TENM1: variants seen among roughly 807,000 people sequenced by gnomAD.
The protein encoded by TENM1 is teneurin transmembrane protein 1, also known as teneurin-1.
Under a neutral mutation model 174.8 loss-of-function variants are expected in TENM1, and 35 were observed. That is an observed-to-expected ratio of 0.20 (90% CI 0.15 to 0.27). The LOEUF (loss-of-function observed/expected upper bound fraction) is 0.27. Among genes scored for constraint, TENM1 ranks in the 10% least tolerant of loss-of-function variants. The pLI is 1.00. For missense variants in TENM1, 1,633 were observed against 2,130.1 expected (o/e 0.77, Z 4.59); for synonymous variants, 781 against 798.7 (o/e 0.98, Z 0.37).
At chrX:124,600,028 G>A (rs866144230) in intron 11 of TENM1, among the ~76,000 whole-genome samples, 1 of 107,250 alleles carries the variant, frequency 9.3e-6, no homozygotes, top group African/African-American at 3.5e-5. Flanking sequence ...ATATATATAT[G>A]TGTGTGTGTG....
chrX:124,701,750 A>AT (rs896767919), intron 5 of TENM1, among the ~76,000 whole-genome samples: 24 of 111,864 alleles, frequency 2.1e-4, no homozygotes, highest in African/African-American at 3.2e-4. Flanking sequence ...CAAAGGAATG[A>AT]TTTTTTTCCC....
chrX:125,085,729 A>G, the TENM1 span, among the ~76,000 whole-genome samples: 4 of 110,418 alleles, frequency 3.6e-5, no homozygotes, highest in Non-Finnish European at 7.6e-5. Context: ...TTTATAAGAG[A>G]TATTTATATA....
intron 1 of TENM1, among the ~76,000 whole-genome samples, chrX:124,912,834 T>C (rs1480279224): frequency 9.0e-6 from 1 of 111,528 alleles, no homozygotes; most frequent in Non-Finnish European, 1.9e-5. Flanking sequence ...ATCTAGGAAA[T>C]CAGTTTTATT....
exon 9 of TENM1, chrX:124,646,778 C>T: frequency 8.3e-7 from 1 of 1,203,042 alleles, no homozygotes; most frequent in South Asian, 1.8e-5. Context: ...TCTCCATTTC[C>T]ATTGCAATTG....
At chrX:124,897,637 G>C (rs1164083078) in intron 1 of TENM1, among the ~76,000 whole-genome samples, 2 of 112,387 alleles carry the variant, frequency 1.8e-5, no homozygotes, top group Non-Finnish European at 3.8e-5. Flanking sequence ...GAAACATATA[G>C]TAGGCAAATA....
At chrX:125,026,807 T>C in the TENM1 span, among the ~76,000 whole-genome samples, 1 of 111,879 alleles carries the variant, frequency 8.9e-6, no homozygotes, top group Admixed American at 9.5e-5. Context: ...GATGAAGAAA[T>C]AGCATTTAAC....
chrX:124,916,051 A>G, intron 1 of TENM1, among the ~76,000 whole-genome samples: 1 of 111,820 alleles, frequency 8.9e-6, no homozygotes, highest in African/African-American at 3.3e-5. Flanking sequence ...CCTACCCAAC[A>G]GAACTGCCAC....
intron 22 of TENM1, 46 bp from the exon 26 acceptor site, chrX:124,453,537 T>C: frequency 8.9e-7 from 1 of 1,117,994 alleles, no homozygotes; most frequent in Non-Finnish European, 1.2e-6. Flanking sequence ...GTGAACCACA[T>C]TTGCACTAAG....
In TENM1 at chrX:124,404,097, A is replaced by C. The variant is rs188034818; in HGVS notation, c.5391+934T>G. On this transcript the variant is annotated intron_variant, in intron 27 of 31. Transcript: ENST00000422452. ...TCTATAGAAGTAACTTGCCTTACTG[A>C]TAATTAAAAAGAAAATTTTATATTC... Among the ~76,000 whole-genome samples the C allele has an allele frequency of 3.5e-3, 394 of 111,777 alleles. 1 individual carries two copies. The highest frequency in any genetic ancestry group is 5.9e-3 in the Non-Finnish European group (315 of 53,185).
the TENM1 span, among the ~76,000 whole-genome samples, chrX:124,975,799 A>G: frequency 8.9e-6 from 1 of 112,095 alleles, no homozygotes. Flanking sequence ...CGGGACTTGT[A>G]CCAAATATTT....
intron 3 of TENM1, among the ~76,000 whole-genome samples, chrX:124,831,302 A>G (rs2056284225): frequency 8.9e-6 from 1 of 111,822 alleles, no homozygotes; most frequent in South Asian, 3.7e-4. Context: ...CAGCTGATTT[A>G]AGGGAGCTCA....
chrX:125,116,004 G>A, the TENM1 span, among the ~76,000 whole-genome samples: 1 of 111,723 alleles, frequency 9.0e-6, no homozygotes, highest in African/African-American at 3.3e-5. Flanking sequence ...ATACTACAAG[G>A]CTACAGTAAC....
chrX:125,078,947 C>A, the TENM1 span, among the ~76,000 whole-genome samples: 13 of 111,549 alleles, frequency 1.2e-4, 1 homozygote, highest in Admixed American at 1.9e-4. Context: ...CCTGTAAGAA[C>A]TATTATTATT....
At chrX:125,104,604 T>C in the TENM1 span, among the ~76,000 whole-genome samples, 1 of 106,278 alleles carries the variant, frequency 9.4e-6, no homozygotes, top group Non-Finnish European at 1.9e-5. Flanking sequence ...CCTGTCCATA[T>C]CTCATGACCC....
At chrX:125,090,113 T>C in the TENM1 span, among the ~76,000 whole-genome samples, 1 of 111,859 alleles carries the variant, frequency 8.9e-6, no homozygotes, top group Admixed American at 9.5e-5. Flanking sequence ...AGTTTTCTTG[T>C]AATGTTGTTT....
intron 11 of TENM1, among the ~76,000 whole-genome samples, chrX:124,593,492 G>C (rs1187791330): frequency 1.8e-5 from 2 of 111,210 alleles, no homozygotes; most frequent in African/African-American, 6.6e-5. Context: ...GTCCGTGAAG[G>C]GTGAGGCGGC....
chrX:124,529,898 C>T (rs1423353672), exon 16 of TENM1: 1 of 1,209,273 alleles, frequency 8.3e-7, no homozygotes, highest in Non-Finnish European at 1.1e-6. Flanking sequence ...AACCCATAAT[C>T]ACTGTGGTGC....
the TENM1 span, among the ~76,000 whole-genome samples, chrX:124,993,557 C>T: frequency 2.7e-5 from 3 of 109,974 alleles, no homozygotes; most frequent in Non-Finnish European, 3.8e-5. Context: ...TACCCCCGCA[C>T]GAATATTCAT....
chrX:125,185,758 A>G, the TENM1 span, among the ~76,000 whole-genome samples: 1 of 112,139 alleles, frequency 8.9e-6, no homozygotes, highest in South Asian at 3.7e-4. Context: ...GTGCATGCAA[A>G]TCCAAAGCAG....
Sources: gnomAD v4.1 joint callset for allele counts (sites outside exome capture counted in the v4.1 genomes callset) on GRCh38, gnomAD v4.1.1 for gene constraint, MANE v1.5 for transcripts, NCBI Gene and HGNC (gene_info 2026-07-23, HGNC 2026-07-21) for gene names.